The following EIPR1 variants were observed in gnomAD, a reference collection of about 807,000 sequenced individuals.
The protein encoded by EIPR1 is EARP and GARP complex-interacting protein 1.
In EIPR1, 25 loss-of-function variants were observed where a neutral mutation model predicts 48.1. The ratio of observed to expected loss-of-function variants is 0.52; its 90% CI spans 0.38 to 0.73. The LOEUF is 0.73. Ranked by LOEUF, EIPR1 falls within the 30% of genes least tolerant of loss-of-function variation. The probability of loss-of-function intolerance (pLI) is 0.00; values close to 1 mark genes in which losing one functional copy is unlikely to be tolerated. For synonymous variants in EIPR1, 204 were observed against 201.9 expected (o/e 1.01, Z -0.09); for missense variants, 415 against 506.2 (o/e 0.82, Z 1.73).
chr2:3,372,888 G>T (rs184572122), intron 1 of EIPR1, among the ~76,000 whole-genome samples: 1 of 152,082 alleles, frequency 6.6e-6, no homozygotes, highest in African/African-American at 2.4e-5. Context: ...TATTAGGCCA[G>T]CATCATCCTG....
At chr2:3,365,366 G>T (rs1670947592) in intron 1 of EIPR1, among the ~76,000 whole-genome samples, 1 of 152,128 alleles carries the variant, frequency 6.6e-6, no homozygotes, top group South Asian at 2.1e-4. Flanking sequence ...CGGCTACTTG[G>T]GAGGCTGAAG....
intron 1 of EIPR1, among the ~76,000 whole-genome samples, chr2:3,370,966 A>G (rs1165275164): frequency 6.6e-6 from 1 of 152,216 alleles, no homozygotes; most frequent in Non-Finnish European, 1.5e-5. Flanking sequence ...ATGAAGGAAA[A>G]AATGTTAAGC....
chr2:3,370,073 C>T (rs888378765), intron 1 of EIPR1, among the ~76,000 whole-genome samples: 16 of 152,108 alleles, frequency 1.1e-4, no homozygotes, highest in African/African-American at 3.6e-4. Context: ...GCAACATTCG[C>T]GGATCACGAA....
intron 5 of EIPR1, chr2:3,208,997 G>A (rs571802405): frequency 4.1e-5 from 59 of 1,456,480 alleles, no homozygotes; most frequent in Admixed American, 3.2e-4. Context: ...TATCAAGGTC[G>A]CCAGAAGCGG....
intron 4 of EIPR1, among the ~76,000 whole-genome samples, chr2:3,249,985 C>G (rs964110662): frequency 2.6e-5 from 4 of 152,198 alleles, no homozygotes; most frequent in Non-Finnish European, 4.4e-5. Flanking sequence ...AGCCTGGGTG[C>G]CCAGGCAGAA....
intron 1 of EIPR1, among the ~76,000 whole-genome samples, chr2:3,358,024 G>A (rs549402638): frequency 1.4e-4 from 22 of 152,236 alleles, no homozygotes; most frequent in African/African-American, 4.6e-4. Flanking sequence ...ATTTGTTATG[G>A]CAGCAACAGG....
At chr2:3,290,875 C>T (rs868497195) in intron 3 of EIPR1, among the ~76,000 whole-genome samples, 12 of 152,142 alleles carry the variant, frequency 7.9e-5, no homozygotes, top group African/African-American at 2.9e-4. Context: ...CATCACGGCC[C>T]GAGCAATGCA....
Position 3,296,868 on chromosome 2 carries a change from G to A in EIPR1, c.260-39413C>T, listed in dbSNP as rs1261276427. On this transcript the variant is annotated intron_variant, in intron 3 of 8. Coordinates refer to ENST00000382125, the MANE Select transcript of EIPR1 (RefSeq NM_003310.5). ...TCTGGGCATCTTTGTCCTCACAGGT[G>A]AAACCAGGGCTCTGACCTTTCTTCA... Among the ~76,000 whole-genome samples, 14 of 152,266 alleles carry A rather than the reference G, an allele frequency of 9.2e-5. 1 individual carries two copies. The highest frequency in any genetic ancestry group is 9.2e-4 in the Admixed American group (14 of 15,286).
At chr2:3,308,621 C>T (rs561215960) in intron 3 of EIPR1, among the ~76,000 whole-genome samples, 3 of 152,210 alleles carry the variant, frequency 2.0e-5, no homozygotes, top group Non-Finnish European at 2.9e-5. Context: ...AGAGAGTCCT[C>T]GAATTTGGTG....
At chr2:3,318,212 G>A (rs1052737493) in intron 3 of EIPR1, among the ~76,000 whole-genome samples, 14 of 152,234 alleles carry the variant, frequency 9.2e-5, no homozygotes, top group African/African-American at 2.9e-4. Flanking sequence ...GTGGGGTTGA[G>A]GGAGAAGCTG....
At chr2:3,331,103 AGGCACACACTCCTGAGGTGGTGTG>A (rs1669884790) in intron 3 of EIPR1, among the ~76,000 whole-genome samples, 1 of 136,498 alleles carries the variant, frequency 7.3e-6, no homozygotes, top group East Asian at 2.2e-4. Flanking sequence ...GAGCAGAGGC[AGGCACACACTCCTGAGGTGGTGTG>A]AGCAGAAGCA....
intron 5 of EIPR1, among the ~76,000 whole-genome samples, chr2:3,200,993 A>G (rs7593567): frequency 0.95 from 144,264 of 152,190 alleles, 68,512 homozygotes; most frequent in East Asian, 0.98. Context: ...CGCTGGACTC[A>G]AACTAGCGCT....
At chr2:3,274,507 A>T (rs888581022) in intron 3 of EIPR1, 1 of 1,435,796 alleles carries the variant, frequency 7.0e-7, no homozygotes, top group East Asian at 2.7e-5. Flanking sequence ...ATGAGACCCT[A>T]CTTGGGGTAT....
At chr2:3,209,938 A>G (rs1368219120) in intron 5 of EIPR1, among the ~76,000 whole-genome samples, 1 of 152,210 alleles carries the variant, frequency 6.6e-6, no homozygotes, top group East Asian at 1.9e-4. Context: ...TCTGTGTGAC[A>G]CCACGGTAGA....
chr2:3,244,778 G>C (rs1666744505), intron 4 of EIPR1, among the ~76,000 whole-genome samples: 1 of 152,208 alleles, frequency 6.6e-6, no homozygotes, highest in African/African-American at 2.4e-5. Flanking sequence ...TGGTTTATGG[G>C]ATTGTGCTAA....
intron 4 of EIPR1, among the ~76,000 whole-genome samples, chr2:3,223,146 A>T (rs1665951525): frequency 6.6e-6 from 1 of 152,214 alleles, no homozygotes; most frequent in Non-Finnish European, 1.5e-5. Context: ...TAGTTTGCAG[A>T]TGACAACGAA....
At chr2:3,358,464 T>A (rs571440357) in intron 1 of EIPR1, among the ~76,000 whole-genome samples, 1 of 152,320 alleles carries the variant, frequency 6.6e-6, no homozygotes, top group South Asian at 2.1e-4. Flanking sequence ...AACATTCCCA[T>A]GATTAGACAC....
At chr2:3,258,180 T>C (rs1052814736) in intron 3 of EIPR1, among the ~76,000 whole-genome samples, 14 of 152,338 alleles carry the variant, frequency 9.2e-5, no homozygotes, top group African/African-American at 3.1e-4. Context: ...CTAGAGTACC[T>C]AGAAAAGCCA....
intron 5 of EIPR1, among the ~76,000 whole-genome samples, chr2:3,207,362 C>T (rs1222317808): frequency 6.6e-6 from 1 of 152,258 alleles, no homozygotes; most frequent in Non-Finnish European, 1.5e-5. Context: ...GGAGGACTCA[C>T]TGCCTCCGGG....
Sources: gnomAD v4.1 joint callset for allele counts (sites outside exome capture counted in the v4.1 genomes callset) on GRCh38, gnomAD v4.1.1 for gene constraint, MANE v1.5 for transcripts, NCBI Gene and HGNC (gene_info 2026-07-23, HGNC 2026-07-21) for gene names.